The following SMOX variants were observed in gnomAD, a reference collection of about 807,000 sequenced individuals.
The protein encoded by SMOX is spermine oxidase.
In SMOX, 22 loss-of-function variants were observed where a neutral mutation model predicts 51.0. That is an observed-to-expected ratio of 0.43 (90% CI 0.31 to 0.62). The LOEUF (loss-of-function observed/expected upper bound fraction) is 0.62, where lower values mean the gene tolerates loss of function less well. Among genes scored for constraint, SMOX ranks in the 20% least tolerant of loss-of-function variants. SMOX has a pLI of 0.10. For synonymous variants in SMOX, 282 were observed against 307.8 expected (o/e 0.92, Z 0.88); for missense variants, 566 against 777.7 (o/e 0.73, Z 3.24).
intron 1 of SMOX, among the ~76,000 whole-genome samples, chr20:4,163,524 A>G (rs928786155): frequency 4.6e-5 from 7 of 152,212 alleles, no homozygotes; most frequent in Admixed American, 3.9e-4. Context: ...TGGCTAACCA[A>G]TGACTCCAAA....
At chr20:4,163,575 C>T (rs1986430182) in intron 1 of SMOX, among the ~76,000 whole-genome samples, 1 of 152,194 alleles carries the variant, frequency 6.6e-6, no homozygotes. Context: ...ATTATGCTCA[C>T]AGTTTCTGTA....
intron 1 of SMOX, among the ~76,000 whole-genome samples, chr20:4,158,793 C>T (rs1407333353): frequency 6.6e-6 from 1 of 152,048 alleles, no homozygotes; most frequent in Non-Finnish European, 1.5e-5. Context: ...CTGCTCCCCA[C>T]CCATAACCAG....
rs1241776048 is a variant in SMOX at position 4,177,921 on chromosome 20, CCA to C, written c.435+347_435+348del. 3.5e-4 allele frequency among the ~76,000 whole-genome samples: 53 copies of C among 152,114 alleles called. No individual in the cohort carries two copies. Among genetic ancestry groups the C allele is most frequent in the Non-Finnish European group, 1.8e-4 (12 of 68,034 alleles). On this transcript the variant is annotated intron_variant, in intron 3 of 6. Coordinates refer to ENST00000305958, the MANE Select transcript of SMOX (RefSeq NM_175839.3). The surrounding 1 kb of genome is among the most constrained non-coding windows in gnomAD (Gnocchi z 4.3). ...ACCAGCATTTATCCAATAGAACTTT[CCA>C]CAGTGATGGTGATGTTTTAGACCTT...
rs897834654 is a variant in SMOX, at chr20:4,167,450, T to C, written c.-26-7580T>C. 2.0e-5 allele frequency among the ~76,000 whole-genome samples: 3 copies of C among 152,124 alleles called. No homozygotes were observed. Among genetic ancestry groups the C allele is most frequent in the Non-Finnish European group, 4.4e-5 (3 of 68,022 alleles). On this transcript the variant is annotated intron_variant, in intron 1 of 6. Transcript: ENST00000305958. The surrounding 1 kb of genome is among the most constrained non-coding windows in gnomAD (Gnocchi z 4.8). ...TGTGCTAATTTAATATTCCTACAAG[T>C]CGGCTGTACCTATCCCCATTTTACG...
In SMOX at chr20:4,149,004, G is replaced by A. The variant is rs944440146; in HGVS notation, c.-27+27G>A. On this transcript the variant is annotated intron_variant, in intron 1 of 6. Transcript: ENST00000305958. The surrounding 1 kb of genome is among the most constrained non-coding windows in gnomAD (Gnocchi z 6.0). ...TACGGTGCGCCCGCTCTCCGGCCCC[G>A]GGCCCCGGCTCTCAGCCTCCCCCGG... The A allele has an allele frequency of 6.6e-6, 1 of 151,558 alleles. No individual in the cohort carries two copies. Among genetic ancestry groups the A allele is most frequent in the African/African-American group, 2.4e-5 (1 of 41,364 alleles). The allele number at this position is 151,558 out of a possible 1,614,324, so 9.4% of individuals were successfully genotyped here. A position where few individuals can be genotyped will look rare whatever the true frequency, so the allele number is the denominator to read the frequency against.
intron 1 of SMOX, among the ~76,000 whole-genome samples, chr20:4,151,797 G>A (rs1475397844): frequency 6.6e-6 from 1 of 152,122 alleles, no homozygotes; most frequent in African/African-American, 2.4e-5. Flanking sequence ...ACAATTGTTT[G>A]TATACTTGAC....
intron 1 of SMOX, 25 bp from the exon 2 acceptor site, chr20:4,175,005 G>C: frequency 1.2e-6 from 2 of 1,606,318 alleles, no homozygotes; most frequent in Non-Finnish European, 1.7e-6. Context: ...GAGCCACTAA[G>C]CTGTGACACC....
At position 4,182,821 on chromosome 20, in the gene SMOX, T is replaced by A. The variant is rs773539301; in HGVS notation, c.1342T>A (p.Cys448Ser). The A allele has an allele frequency of 6.2e-7, 1 of 1,608,964 alleles. No homozygotes were observed. The highest frequency in any genetic ancestry group is 8.5e-7 in the Non-Finnish European group (1 of 1,179,942). ...TGATGACGAGGCAGTGGCCGAGATC[T>A]GCACGGAGATGCTGCGTCAGTTCAC... The part of the protein sequence containing the change: ...KCDDEAVAEI[C>S]TEMLRQFTGN... The change falls in exon 5 of 7, where the codon TGC becomes AGC. Residue 448 changes from cysteine to serine, a missense_variant. Coordinates refer to ENST00000305958, the MANE Select transcript of SMOX (RefSeq NM_175839.3). The surrounding 1 kb of genome is among the most constrained non-coding windows in gnomAD (Gnocchi z 8.4).
rs1265043866 is a variant in SMOX, at chr20:4,187,245, T to C, written c.1531-25T>C. On this transcript the variant is annotated intron_variant, in intron 6 of 6. Coordinates refer to ENST00000305958, the MANE Select transcript of SMOX (RefSeq NM_175839.3). The surrounding 1 kb of genome is among the most constrained non-coding windows in gnomAD (Gnocchi z 4.8). The stretch of plus-strand genomic sequence containing the variant: ...TCTGGCCTTTGCTGCTCCTCCACCC[T>C]GACCTCCCCATCCCCGCCCCGCAGC... 1.2e-6 allele frequency: 2 copies of C among 1,603,344 alleles called. No individual in the cohort carries two copies. The highest frequency in any genetic ancestry group is 2.2e-5 in the East Asian group (1 of 44,700).
chr20:4,164,855 A>G (rs939845199), intron 1 of SMOX, among the ~76,000 whole-genome samples: 1 of 151,990 alleles, frequency 6.6e-6, no homozygotes, highest in African/African-American at 2.4e-5. Context: ...GCAGTCTTGC[A>G]CCAACGTATT....
In SMOX at chr20:4,166,433, G is replaced by A. The variant is rs1297969037; in HGVS notation, c.-26-8597G>A. 6.6e-6 allele frequency among the ~76,000 whole-genome samples: 1 copy of A among 151,976 alleles called. No individual in the cohort carries two copies. The highest frequency in any genetic ancestry group is 1.5e-5 in the Non-Finnish European group (1 of 67,982). ...TGTGATCATGGTTCACTGTAGCCTC[G>A]ACTTCCTAGACTGAAGCAATCCTCC... On this transcript the variant is annotated intron_variant, in intron 1 of 6. Coordinates refer to ENST00000305958, the MANE Select transcript of SMOX (RefSeq NM_175839.3). The surrounding 1 kb of genome is among the most constrained non-coding windows in gnomAD (Gnocchi z 4.2).
intron 1 of SMOX, among the ~76,000 whole-genome samples, chr20:4,162,159 G>A (rs1479069702): frequency 3.3e-5 from 5 of 152,238 alleles, no homozygotes; most frequent in African/African-American, 4.8e-5. Context: ...GAAGCGCAGG[G>A]CGGCCCGGGT....
In SMOX at chr20:4,177,307, G is replaced by T. The variant is rs1538075; in HGVS notation, c.209-44G>T. The T allele has an allele frequency of 6.6e-7, 1 of 1,511,696 alleles. No individual in the cohort carries two copies. The highest frequency in any genetic ancestry group is 2.0e-5 in the Admixed American group (1 of 50,618). 93.6% of individuals were successfully genotyped at this position (1,511,696 alleles called of 1,614,324 possible). On this transcript the variant is annotated intron_variant, in intron 2 of 6. Transcript: ENST00000305958. The surrounding 1 kb of genome is among the most constrained non-coding windows in gnomAD (Gnocchi z 4.3). ...GGGGAAGCAGTGCTGGCCCTCTCTGGAGAAGTCCCTAAGCCTCTAAGGGCC... is the reference window on the plus strand; with the variant it reads ...GGGGAAGCAGTGCTGGCCCTCTCTGTAGAAGTCCCTAAGCCTCTAAGGGCC...
Position 4,148,829 on chromosome 20 carries a change from C to T in SMOX, c.-175C>T, listed in dbSNP as rs1414257117. The T allele has an allele frequency of 6.6e-6, 1 of 152,360 alleles. No homozygotes were observed. The highest frequency in any genetic ancestry group is 1.5e-5 in the Non-Finnish European group (1 of 68,290). 9.4% of individuals were successfully genotyped at this position (152,360 alleles called of 1,614,324 possible). ...GGACGCGAGGCGGAGCGGGGCCCCA[C>T]ACAGGCCGCGGCGGCTGGCTCGGGC... On this transcript the variant is annotated 5_prime_UTR_variant, in exon 1 of 7. Transcript: ENST00000305958.
intron 1 of SMOX, among the ~76,000 whole-genome samples, chr20:4,151,697 C>G (rs768983463): frequency 3.9e-5 from 6 of 152,210 alleles, no homozygotes; most frequent in Non-Finnish European, 5.9e-5. Flanking sequence ...TCCTCAAATG[C>G]CTTCCCAGTC....
chr20:4,186,895 A>T (rs1979779275), intron 6 of SMOX: 1 of 763,894 alleles, frequency 1.3e-6, no homozygotes, highest in Admixed American at 1.8e-5. Flanking sequence ...AGTGCTTTAG[A>T]TACATGATTT....
chr20:4,177,581 A>T lies in SMOX; in HGVS notation c.435+4A>T, dbSNP rs1978973009. ...ATTCAGCGATTTATACAACGAGGTA[A>T]GGTGTGAGCAGAGTAGCTGGGCGTA... On this transcript the variant is annotated splice_donor_region_variant and intron_variant, in intron 3 of 6. Transcript: ENST00000305958. The surrounding 1 kb of genome is among the most constrained non-coding windows in gnomAD (Gnocchi z 4.3). 1 of 1,577,686 alleles carries T rather than the reference A, an allele frequency of 6.3e-7. No homozygotes were observed. Among genetic ancestry groups the T allele is most frequent in the East Asian group, 2.3e-5 (1 of 43,738 alleles).
Position 4,181,674 on chromosome 20 carries a change from A to G in SMOX, c.436-129A>G. On this transcript the variant is annotated intron_variant, in intron 3 of 6. Coordinates refer to ENST00000305958, the MANE Select transcript of SMOX (RefSeq NM_175839.3). The surrounding 1 kb of genome is among the most constrained non-coding windows in gnomAD (Gnocchi z 5.6). ...GCATTGAGTGCAACATCGGATCCCT[A>G]AGGGACAGAGACCAGGGGCTCAGTG... The G allele has an allele frequency of 8.8e-7, 1 of 1,135,452 alleles. No homozygotes were observed. The highest frequency in any genetic ancestry group is 1.3e-6 in the Non-Finnish European group (1 of 796,418). 70.3% of individuals were successfully genotyped at this position (1,135,452 alleles called of 1,614,324 possible).
intron 1 of SMOX, among the ~76,000 whole-genome samples, chr20:4,161,857 C>T (rs1050804644): frequency 6.6e-6 from 1 of 152,236 alleles, no homozygotes; most frequent in Non-Finnish European, 1.5e-5. Flanking sequence ...CTGCTACTCC[C>T]GTCCCTGCCT....
Sources: allele counts gnomAD v4.1 joint callset (sites outside exome capture counted in the v4.1 genomes callset), GRCh38; gene constraint gnomAD v4.1.1; non-coding constraint Gnocchi (gnomAD v3.1); transcripts MANE v1.5; gene names NCBI Gene and HGNC (gene_info 2026-07-23, HGNC 2026-07-21).